Variants in CAPRIN2 observed in about 807,000 individuals in gnomAD.
CAPRIN2 encodes the protein caprin family member 2, also known as caprin-2.
CAPRIN2 carries 66 observed loss-of-function variants against 130.4 expected under a neutral mutation model. That is an observed-to-expected ratio of 0.51 (90% CI 0.42 to 0.62). CAPRIN2 has a LOEUF of 0.62. CAPRIN2 is among the 20% of genes least tolerant of loss of function. The pLI is 0.00. For missense variants in CAPRIN2, 1,185 were observed against 1,246.6 expected (o/e 0.95, Z 0.74); for synonymous variants, 471 against 444.1 (o/e 1.06, Z -0.76).
chr12:30,731,959 G>A (rs2062830957), intron 5 of CAPRIN2, among the ~76,000 whole-genome samples: 2 of 152,046 alleles, frequency 1.3e-5, no homozygotes, highest in African/African-American at 2.4e-5. Flanking sequence ...CCTTCCCCAA[G>A]TAATTAAGGC....
At chr12:30,712,013 G>A (rs936314643) in intron 15 of CAPRIN2, among the ~76,000 whole-genome samples, 7 of 152,108 alleles carry the variant, frequency 4.6e-5, no homozygotes, top group Non-Finnish European at 1.0e-4. Context: ...TCTCAACCTT[G>A]CTCTATTTAT....
At chr12:30,734,404 A>T (rs1226125874) in intron 4 of CAPRIN2, among the ~76,000 whole-genome samples, 1 of 152,144 alleles carries the variant, frequency 6.6e-6, no homozygotes, top group Non-Finnish European at 1.5e-5. Flanking sequence ...AAACAAAAAG[A>T]GCAATGGATC....
chr12:30,751,201 A>T (rs1322300329), intron 1 of CAPRIN2, 68 bp from the exon 3 acceptor site: 31 of 1,244,456 alleles, frequency 2.5e-5, no homozygotes, highest in Non-Finnish European at 3.5e-5. Context: ...AGTAAATGCC[A>T]GATCTTGTCT....
At chr12:30,715,576 C>G in intron 13 of CAPRIN2, 1 of 390,840 alleles carries the variant, frequency 2.6e-6, no homozygotes. Context: ...ATGAAAAGTT[C>G]TGGAGGTGGA....
intron 15 of CAPRIN2, chr12:30,711,922 A>C (rs1300019687): frequency 2.0e-6 from 1 of 508,480 alleles, no homozygotes; most frequent in Non-Finnish European, 3.7e-6. Flanking sequence ...CTAGGTAATG[A>C]GAGAAATTTT....
chr12:30,751,272 G>A (rs1021499771), intron 1 of CAPRIN2, 139 bp from the exon 3 acceptor site: 3 of 677,812 alleles, frequency 4.4e-6, no homozygotes, highest in Non-Finnish European at 5.3e-6. Flanking sequence ...TTACTATACG[G>A]CATGCAGCAA....
chr12:30,730,278 A>C (rs1195472694), exon 7 of CAPRIN2: 1 of 1,607,080 alleles, frequency 6.2e-7, no homozygotes, highest in Non-Finnish European at 8.5e-7. Context: ...ATTCCATTAG[A>C]GACTCTGGGA....
At chr12:30,746,606 T>G (rs1352964982) in intron 2 of CAPRIN2, among the ~76,000 whole-genome samples, 1 of 152,164 alleles carries the variant, frequency 6.6e-6, no homozygotes, top group Admixed American at 6.5e-5. Flanking sequence ...ACATGAATAA[T>G]AAGAAAACAA....
chr12:30,748,261 A>G (rs2071733745), intron 2 of CAPRIN2, among the ~76,000 whole-genome samples: 1 of 152,210 alleles, frequency 6.6e-6, no homozygotes, highest in Non-Finnish European at 1.5e-5. Context: ...CATGAAAGAG[A>G]GTCCATCAAC....
chr12:30,737,325 G>T (rs1592191400), intron 3 of CAPRIN2, among the ~76,000 whole-genome samples: 3 of 152,090 alleles, frequency 2.0e-5, no homozygotes, highest in South Asian at 2.1e-4. Context: ...ATGATGACAG[G>T]GACTATATCT....
At chr12:30,735,676 TA>T (rs1284981098) in intron 3 of CAPRIN2, among the ~76,000 whole-genome samples, 1 of 152,114 alleles carries the variant, frequency 6.6e-6, no homozygotes, top group African/African-American at 2.4e-5. Flanking sequence ...CTAACAGACA[TA>T]AAATGTCTTC....
chr12:30,750,972 T>G, intron 2 of CAPRIN2, 99 bp downstream of exon 3: 1 of 856,026 alleles, frequency 1.2e-6, no homozygotes, highest in Non-Finnish European at 2.0e-6. Flanking sequence ...ATTTTAACTG[T>G]GTGTGTGTGT....
intron 4 of CAPRIN2, 119 bp downstream of exon 5, chr12:30,734,849 A>AACAC (rs10557103): frequency 0.022 from 13,943 of 624,010 alleles, 83 homozygotes; most frequent in Admixed American, 0.064. Context: ...CCCCCTCTCT[A>AACAC]ACACACACAC....
At chr12:30,740,971 G>C (rs772416365) in intron 3 of CAPRIN2, 49 bp downstream of exon 4, 2 of 1,085,212 alleles carry the variant, frequency 1.8e-6, no homozygotes, top group South Asian at 2.7e-5. Context: ...TTTTCTCCAA[G>C]ATCAGTGGTT....
At chr12:30,709,892 G>A in exon 17 of CAPRIN2, 2 of 1,598,770 alleles carry the variant, frequency 1.3e-6, no homozygotes, top group Non-Finnish European at 8.5e-7. Flanking sequence ...TGTCAATACT[G>A]TACTGACTTT....
chr12:30,729,773 T>A (rs1372248082), intron 7 of CAPRIN2, among the ~76,000 whole-genome samples: 1 of 152,240 alleles, frequency 6.6e-6, no homozygotes, highest in Non-Finnish European at 1.5e-5. Context: ...ATTTCCCTTA[T>A]ACATCAATGA....
intron 14 of CAPRIN2, among the ~76,000 whole-genome samples, chr12:30,714,625 G>C (rs1219139266): frequency 1.3e-5 from 2 of 152,066 alleles, no homozygotes; most frequent in African/African-American, 2.4e-5. Flanking sequence ...GAAATAATTA[G>C]AAAATGGGCA....
intron 8 of CAPRIN2, among the ~76,000 whole-genome samples, chr12:30,726,890 A>C (rs915027155): frequency 6.6e-6 from 1 of 152,172 alleles, no homozygotes; most frequent in Non-Finnish European, 1.5e-5. Context: ...ACTTGACTGT[A>C]CTTAGTCAAT....
At chr12:30,736,827 C>T (rs1272066191) in intron 3 of CAPRIN2, among the ~76,000 whole-genome samples, 2 of 152,172 alleles carry the variant, frequency 1.3e-5, no homozygotes, top group Non-Finnish European at 2.9e-5. Flanking sequence ...GCACTCCTAG[C>T]TCTCCAAAAC....
Sources: allele counts gnomAD v4.1 joint callset (sites outside exome capture counted in the v4.1 genomes callset), GRCh38; gene constraint gnomAD v4.1.1; transcripts MANE v1.5; gene names NCBI Gene and HGNC (gene_info 2026-07-23, HGNC 2026-07-21).